Variants in ARB2A observed in about 807,000 individuals in gnomAD.
The protein encoded by ARB2A is cotranscriptional regulator ARB2A.
At chr5:93,952,671 T>C in the ARB2A span, among the ~76,000 whole-genome samples, 1 of 152,196 alleles carries the variant, frequency 6.6e-6, no homozygotes, top group Non-Finnish European at 1.5e-5. Context: ...TGCTTGGAGT[T>C]CCATAACTTT....
chr5:93,966,565 A>G, the ARB2A span, among the ~76,000 whole-genome samples: 6 of 152,092 alleles, frequency 3.9e-5, no homozygotes, highest in African/African-American at 1.4e-4. Context: ...GAGTTGGAGA[A>G]ACACTACCTA....
chr5:93,635,852 C>T, the ARB2A span, among the ~76,000 whole-genome samples: 2 of 152,090 alleles, frequency 1.3e-5, no homozygotes, highest in Admixed American at 1.3e-4. Flanking sequence ...AATTATTTAT[C>T]CCAGAAATCA....
the ARB2A span, among the ~76,000 whole-genome samples, chr5:94,058,783 G>T: frequency 2.0e-5 from 3 of 152,140 alleles, no homozygotes; most frequent in Non-Finnish European, 4.4e-5. Flanking sequence ...ACATAGTTTG[G>T]ATGTTTGTCC....
chr5:93,964,894 T>G, the ARB2A span, among the ~76,000 whole-genome samples: 1 of 152,042 alleles, frequency 6.6e-6, no homozygotes, highest in African/African-American at 2.4e-5. Context: ...CCTTAGTGAC[T>G]CTGAATCTCA....
At chr5:93,859,156 T>A in the ARB2A span, among the ~76,000 whole-genome samples, 1 of 152,148 alleles carries the variant, frequency 6.6e-6, no homozygotes, top group Non-Finnish European at 1.5e-5. Context: ...AAAGAATGTA[T>A]TATTTTAAAA....
the ARB2A span, among the ~76,000 whole-genome samples, chr5:94,041,801 G>T: frequency 2.6e-5 from 4 of 152,124 alleles, no homozygotes; most frequent in African/African-American, 7.2e-5. Context: ...TAAGGCCTGG[G>T]AAATGTGGAG....
At chr5:93,725,388 G>A in the ARB2A span, among the ~76,000 whole-genome samples, 1 of 151,936 alleles carries the variant, frequency 6.6e-6, no homozygotes, top group Non-Finnish European at 1.5e-5. Context: ...AAAATCATAA[G>A]CAACAAAGTT....
the ARB2A span, among the ~76,000 whole-genome samples, chr5:93,699,174 G>A: frequency 6.6e-6 from 1 of 152,178 alleles, no homozygotes; most frequent in African/African-American, 2.4e-5. Context: ...AAGTGGCACA[G>A]AAAGGAAACA....
the ARB2A span, among the ~76,000 whole-genome samples, chr5:94,074,222 C>T: frequency 6.6e-6 from 1 of 151,986 alleles, no homozygotes; most frequent in Non-Finnish European, 1.5e-5. Context: ...AGATTCCTTC[C>T]AAAACGTTAA....
At chr5:93,853,406 C>G in the ARB2A span, among the ~76,000 whole-genome samples, 456 of 146,844 alleles carry the variant, frequency 3.1e-3, 3 homozygotes, top group Middle Eastern at 0.011. Context: ...TCTGCAAACA[C>G]GGACAATTTG....
the ARB2A span, among the ~76,000 whole-genome samples, chr5:93,980,957 T>C: frequency 6.6e-6 from 1 of 152,280 alleles, no homozygotes; most frequent in Non-Finnish European, 1.5e-5. Flanking sequence ...ACCACCTTCA[T>C]AGAGCTTTTC....
At chr5:93,954,559 G>A in the ARB2A span, among the ~76,000 whole-genome samples, 1 of 151,892 alleles carries the variant, frequency 6.6e-6, no homozygotes, top group Admixed American at 6.6e-5. Flanking sequence ...GAGGGAAGGA[G>A]TTTCTCTTGG....
chr5:93,994,321 A>G, the ARB2A span, among the ~76,000 whole-genome samples: 16 of 152,206 alleles, frequency 1.1e-4, no homozygotes, highest in African/African-American at 3.9e-4. Flanking sequence ...ACACAATGAA[A>G]TAGTTTTCAA....
At chr5:94,023,350 T>A in the ARB2A span, among the ~76,000 whole-genome samples, 1 of 152,062 alleles carries the variant, frequency 6.6e-6, no homozygotes, top group Non-Finnish European at 1.5e-5. Context: ...TGACTTAAAA[T>A]CAATGATAAA....
chr5:93,753,564 G>T, the ARB2A span, among the ~76,000 whole-genome samples: 1 of 152,144 alleles, frequency 6.6e-6, no homozygotes, highest in Admixed American at 6.5e-5. Flanking sequence ...TCCAAGAAAG[G>T]CCCATCTAAA....
At chr5:93,807,461 T>A in the ARB2A span, among the ~76,000 whole-genome samples, 1 of 152,088 alleles carries the variant, frequency 6.6e-6, no homozygotes, top group South Asian at 2.1e-4. Context: ...TAATAATGAA[T>A]AGCACCAGGA....
the ARB2A span, among the ~76,000 whole-genome samples, chr5:94,104,242 T>C: frequency 6.6e-6 from 1 of 151,362 alleles, no homozygotes; most frequent in East Asian, 1.9e-4. Flanking sequence ...ATAAATAAGA[T>C]TGACAGACCA....
At chr5:93,655,672 G>A in the ARB2A span, among the ~76,000 whole-genome samples, 2 of 152,160 alleles carry the variant, frequency 1.3e-5, no homozygotes, top group Non-Finnish European at 2.9e-5. Context: ...AACAACCTAA[G>A]TCAGTGATGT....
the ARB2A span, among the ~76,000 whole-genome samples, chr5:93,915,578 C>A: frequency 6.6e-6 from 1 of 151,906 alleles, no homozygotes; most frequent in Non-Finnish European, 1.5e-5. Context: ...AAGAAGTTGT[C>A]ATGGATCATG....
Sources: gnomAD v4.1 joint callset for allele counts (sites outside exome capture counted in the v4.1 genomes callset) on GRCh38, gnomAD v4.1.1 for gene constraint, MANE v1.5 for transcripts, NCBI Gene and HGNC (gene_info 2026-07-23, HGNC 2026-07-21) for gene names.